Variants in WDTC1 observed in about 807,000 individuals in gnomAD.
The protein encoded by WDTC1 is WD and tetratricopeptide repeats protein 1.
A neutral mutation model predicts 76.0 loss-of-function variants in WDTC1; 12 were observed. The ratio of observed to expected loss-of-function variants is 0.16; its 90% CI spans 0.10 to 0.26. WDTC1 has a LOEUF of 0.26. WDTC1 is among the 10% of genes least tolerant of loss of function. The pLI is 1.00. For synonymous variants in WDTC1, 326 were observed against 350.8 expected (o/e 0.93, Z 0.79); for missense variants, 511 against 908.8 (o/e 0.56, Z 5.63).
At chr1:27,240,984 A>AAAC (rs2011614870) in intron 1 of WDTC1, among the ~76,000 whole-genome samples, 1 of 150,930 alleles carries the variant, frequency 6.6e-6, no homozygotes, top group Non-Finnish European at 1.5e-5. Flanking sequence ...AAAAAAAAAA[A>AAAC]CAAAAAAACT....
chr1:27,306,329 G>C lies in WDTC1; in HGVS notation c.1980G>C (p.Gly660=). The part of the protein sequence containing the change: ...RITGLSSGGA[G]ASDDEDSSEG... ...CGGGCCTGAGCAGTGGGGGTGCCGG[G>C]GCCTCTGATGATGAGGACAGCTCTG... is the stretch of plus-strand genomic sequence containing the variant. Residue 660 remains glycine (G), a synonymous_variant, in exon 16 of 16, where the codon GGG becomes GGC. Transcript: ENST00000319394. The surrounding 1 kb of genome is among the most constrained non-coding windows in gnomAD (Gnocchi z 5.0). 6.2e-7 allele frequency: 1 copy of C among 1,613,874 alleles called. No homozygotes were observed. The highest frequency in any genetic ancestry group is 8.5e-7 in the Non-Finnish European group (1 of 1,179,994).
chr1:27,300,709 G>A (rs868367028), intron 12 of WDTC1, among the ~76,000 whole-genome samples: 2 of 152,246 alleles, frequency 1.3e-5, no homozygotes, highest in Non-Finnish European at 2.9e-5. Flanking sequence ...GACAGGGGGG[G>A]GTCTGGCTGA....
chr1:27,263,158 G>A lies in WDTC1; in HGVS notation c.55G>A (p.Gly19Ser). The A allele has an allele frequency of 6.2e-7, 1 of 1,613,176 alleles. No individual in the cohort carries two copies. Among genetic ancestry groups the A allele is most frequent in the Non-Finnish European group, 8.5e-7 (1 of 1,179,636 alleles). The change falls in exon 3 of 16, where the codon GGT becomes AGT. Residue 19 changes from glycine (G) to serine (S), a missense_variant. Gly to Ser is a moderately conservative substitution (Grantham distance 56). Transcript: ENST00000319394. ...DLIRRQIKER[G>S]ALSFERRYHV... ...ATTTGTTTCTGTCCCCTAGGAGCGG[G>A]GTGCCCTGAGCTTTGAGCGGCGCTA... is the stretch of plus-strand genomic sequence containing the variant.
intron 1 of WDTC1, among the ~76,000 whole-genome samples, chr1:27,245,388 G>A (rs2011792638): frequency 6.6e-6 from 1 of 151,614 alleles, no homozygotes; most frequent in Admixed American, 6.6e-5. Flanking sequence ...GGGATCAATG[G>A]ATGAATCGGA....
At chr1:27,294,380 G>A in intron 8 of WDTC1, 134 bp from the exon 9 acceptor site, 1 of 803,714 alleles carries the variant, frequency 1.2e-6, no homozygotes, top group Non-Finnish European at 2.0e-6. Context: ...AGTGCATATA[G>A]TAAGGGCTCA....
At chr1:27,287,187 A>G (rs1474080009) in intron 5 of WDTC1, among the ~76,000 whole-genome samples, 2 of 151,532 alleles carry the variant, frequency 1.3e-5, no homozygotes, top group Admixed American at 1.3e-4. Context: ...AAAAAAACCC[A>G]CACACACCCA....
At position 27,282,143 on chromosome 1, in the gene WDTC1, A is replaced by T; in HGVS notation, c.133-96A>T. On this transcript the variant is annotated intron_variant, in intron 3 of 15. Transcript: ENST00000319394. ...CACTTGGAAAATATTGAAAATGGAAAGACTGGTTTACCTGTTCAGTTCCAC... is the reference window on the plus strand; with the variant it reads ...CACTTGGAAAATATTGAAAATGGAATGACTGGTTTACCTGTTCAGTTCCAC... 1.9e-5 allele frequency: 23 copies of T among 1,200,810 alleles called. No homozygotes were observed. The South Asian group carries it at 2.7e-4, about 14-fold the overall frequency. 74.4% of individuals were successfully genotyped at this position (1,200,810 alleles called of 1,614,324 possible).
Position 27,305,335 on chromosome 1 carries a change from G to A in WDTC1, c.1836+142G>A. The A allele has an allele frequency of 9.4e-7, 1 of 1,064,050 alleles. No individual in the cohort carries two copies. 65.9% of individuals were successfully genotyped at this position (1,064,050 alleles called of 1,614,324 possible). On this transcript the variant is annotated intron_variant, in intron 15 of 15. Coordinates refer to ENST00000319394, the MANE Select transcript of WDTC1 (RefSeq NM_001276252.2). The surrounding 1 kb of genome is among the most constrained non-coding windows in gnomAD (Gnocchi z 4.6). ...GCCTTACCCCGGGGCCCAAGGCTGTGTTCTCAGATTCCAGAAGCTCCAAAT... is the reference window on the plus strand; with the variant it reads ...GCCTTACCCCGGGGCCCAAGGCTGTATTCTCAGATTCCAGAAGCTCCAAAT...
chr1:27,277,465 A>C (rs1557495149), intron 3 of WDTC1, among the ~76,000 whole-genome samples: 2 of 149,050 alleles, frequency 1.3e-5, no homozygotes, highest in South Asian at 4.2e-4. Flanking sequence ...ATTGCTTGAC[A>C]CTCTTTTTTT....
At chr1:27,289,382 C>T (rs183655712) in intron 6 of WDTC1, among the ~76,000 whole-genome samples, 5,622 of 149,274 alleles carry the variant, frequency 0.038, 359 homozygotes, top group African/African-American at 0.13. Flanking sequence ...ACCTCCCAGA[C>T]GGGGTCGCGG....
chr1:27,298,178 G>A (rs1276025645), intron 12 of WDTC1, 67 bp downstream of exon 12: 1 of 1,481,032 alleles, frequency 6.8e-7, no homozygotes, highest in Non-Finnish European at 9.0e-7. Context: ...CAAAAGGCAG[G>A]GGCCTGATGG....
Position 27,281,284 on chromosome 1 carries a change from C to T in WDTC1, c.133-955C>T, listed in dbSNP as rs187336969. ...CTGGCTAACACGGTGAAACCTCTGT[C>T]TCTACTAAAAATACAAAAAATTAGC... On this transcript the variant is annotated intron_variant, in intron 3 of 15. Transcript: ENST00000319394. Among the ~76,000 whole-genome samples, 489 of 151,972 alleles carry T rather than the reference C, an allele frequency of 3.2e-3. 1 individual carries two copies. Among genetic ancestry groups the T allele is most frequent in the Admixed American group, 6.6e-3 (101 of 15,250 alleles).
At chr1:27,295,955 G>A (rs769342881) in intron 9 of WDTC1, among the ~76,000 whole-genome samples, 4 of 151,946 alleles carry the variant, frequency 2.6e-5, no homozygotes, top group African/African-American at 4.8e-5. Context: ...TTGTAAAGAC[G>A]GGGTTTTGCC....
chr1:27,257,306 C>T (rs2147926014), intron 1 of WDTC1, among the ~76,000 whole-genome samples: 1 of 152,216 alleles, frequency 6.6e-6, no homozygotes, highest in African/African-American at 2.4e-5. Context: ...GTGAAGCGTA[C>T]GTAACCCCGT....
At chr1:27,288,677 A>C (rs963522049) in intron 6 of WDTC1, among the ~76,000 whole-genome samples, 2 of 151,760 alleles carry the variant, frequency 1.3e-5, no homozygotes, top group African/African-American at 4.8e-5. Context: ...GTAAGGTCAC[A>C]GATCAACAGG....
rs375421296 is a variant in WDTC1 at position 27,261,842 on chromosome 1, C to T, written c.48+740C>T. ...TTAAATGATGATAATGGCCATCTGC[C>T]TGTAGGCTGACCTTGAGAATGAAAT... On this transcript the variant is annotated intron_variant, in intron 2 of 15. Transcript: ENST00000319394. Among the ~76,000 whole-genome samples the T allele has an allele frequency of 3.0e-4, 46 of 152,274 alleles. 3 individuals are homozygous for T. The South Asian group carries it at 9.5e-3, about 32-fold the overall frequency.
chr1:27,256,987 C>T (rs1426446168), intron 1 of WDTC1, among the ~76,000 whole-genome samples: 3 of 152,076 alleles, frequency 2.0e-5, no homozygotes, highest in African/African-American at 2.4e-5. Context: ...CTCAGCCTCC[C>T]GAGTAGCTGG....
chr1:27,240,972 C>CAAA (rs10683474), intron 1 of WDTC1, among the ~76,000 whole-genome samples: 97,985 of 136,990 alleles, frequency 0.72, 36,013 homozygotes, highest in East Asian at 0.85. Context: ...GACTCCATCT[C>CAAA]AAAAAAAAAA....
chr1:27,266,958 C>T (rs2012691324), intron 3 of WDTC1, among the ~76,000 whole-genome samples: 1 of 152,182 alleles, frequency 6.6e-6, no homozygotes, highest in South Asian at 2.1e-4. Flanking sequence ...TAGTGTCAGA[C>T]ATTTAGTAGA....
Sources: allele counts gnomAD v4.1 joint callset (sites outside exome capture counted in the v4.1 genomes callset), GRCh38; gene constraint gnomAD v4.1.1; non-coding constraint Gnocchi (gnomAD v3.1); transcripts MANE v1.5; gene names NCBI Gene and HGNC (gene_info 2026-07-23, HGNC 2026-07-21).